Variants in GLIS3 observed in about 807,000 individuals in gnomAD.
GLIS3 encodes GLIS family zinc finger 3, also known as zinc finger protein GLIS3.
In GLIS3, 53 loss-of-function variants were observed where a neutral mutation model predicts 78.6. The observed-to-expected ratio is 0.67, with a 90% CI of 0.54 to 0.85. The LOEUF (loss-of-function observed/expected upper bound fraction) is 0.85. Ranked by LOEUF, GLIS3 falls within the 40% of genes least tolerant of loss-of-function variation. GLIS3 has a pLI of 0.00. For synonymous variants in GLIS3, 684 were observed against 509.9 expected, an observed-to-expected ratio of 1.34 and a Z score of -4.60; for missense variants, 1,703 against 1,231.1, an observed-to-expected ratio of 1.38 and a Z score of -5.74.
Position 4,093,149 on chromosome 9 carries a change from A to G in GLIS3, c.1710+24619T>C, listed in dbSNP as rs1829664769. Among the ~76,000 whole-genome samples the G allele has an allele frequency of 2.0e-5, 3 of 152,210 alleles. No homozygotes were observed. In the South Asian group the frequency reaches 6.2e-4, roughly 31 times the overall value. On this transcript the variant is annotated intron_variant, in intron 4 of 10. Transcript: ENST00000381971. ...TACAGATGAGAAAAATGAGGTACTA[A>G]GTGGAAAAGTAACATGCTGGCCTCA...
Position 3,932,427 on chromosome 9 carries a change from G to A in GLIS3, c.1916C>T (p.Thr639Ile). The A allele has an allele frequency of 6.2e-7, 1 of 1,613,950 alleles. No individual in the cohort carries two copies. The highest frequency in any genetic ancestry group is 8.5e-7 in the Non-Finnish European group (1 of 1,179,858). Reference sequence around the variant, plus strand: ...ATGCTTTCTTAGGGAACTTGGGTCTGTGTAGCGTTTGGTACATCCTGGAAT... The same window carrying A: ...ATGCTTTCTTAGGGAACTTGGGTCTATGTAGCGTTTGGTACATCCTGGAAT... ...CQIPGCTKRYTDPSSLRKHVK... is the reference protein window; with the variant it reads ...CQIPGCTKRYIDPSSLRKHVK... The change falls in exon 6 of 11, where the codon ACA (threonine) becomes ATA (isoleucine). Residue 639 changes from threonine to isoleucine, a missense_variant. Coordinates refer to ENST00000381971, the MANE Select transcript of GLIS3 (RefSeq NM_001042413.2).
At chr9:4,441,423 AAT>A in the GLIS3 span, among the ~76,000 whole-genome samples, 1 of 152,116 alleles carries the variant, frequency 6.6e-6, no homozygotes, top group African/African-American at 2.4e-5. Context: ...TCATTTTGTT[AAT>A]GAATCACATT....
chr9:4,427,266 C>T, the GLIS3 span, among the ~76,000 whole-genome samples: 38 of 152,214 alleles, frequency 2.5e-4, no homozygotes, highest in Non-Finnish European at 3.5e-4. Flanking sequence ...TTTATATCAT[C>T]GTGAAGCATA....
the GLIS3 span, among the ~76,000 whole-genome samples, chr9:4,431,025 C>T: frequency 6.6e-6 from 1 of 152,222 alleles, no homozygotes; most frequent in African/African-American, 2.4e-5. Flanking sequence ...TTTTCTCAAT[C>T]TTTCCTTCCT....
intron 9 of GLIS3, among the ~76,000 whole-genome samples, chr9:3,833,597 G>C (rs1818176693): frequency 6.6e-6 from 1 of 152,172 alleles, no homozygotes; most frequent in Non-Finnish European, 1.5e-5. Flanking sequence ...ATCAAGTGCT[G>C]GTTAGGGTGC....
At chr9:4,416,020 T>C in the GLIS3 span, among the ~76,000 whole-genome samples, 2 of 150,240 alleles carry the variant, frequency 1.3e-5, no homozygotes, top group African/African-American at 4.9e-5. Context: ...AATATATAGA[T>C]GTATATATTT....
the GLIS3 span, among the ~76,000 whole-genome samples, chr9:4,480,295 C>T: frequency 6.7e-6 from 1 of 149,790 alleles, no homozygotes; most frequent in Non-Finnish European, 1.5e-5. Flanking sequence ...GTCTAGACTA[C>T]CCAAGTTCAA....
intron 1 of GLIS3, among the ~76,000 whole-genome samples, chr9:4,296,014 A>G (rs1816466251): frequency 6.6e-6 from 1 of 152,176 alleles, no homozygotes; most frequent in Non-Finnish European, 1.5e-5. Context: ...AGGGAAAAGT[A>G]AAACAGTTAA....
At chr9:4,302,605 A>G (rs1466152670), upstream of GLIS3, among the ~76,000 whole-genome samples, 1 of 152,248 alleles carries the variant, frequency 6.6e-6, no homozygotes, top group Non-Finnish European at 1.5e-5. Context: ...GGCTATGAAT[A>G]ATCTCCTACT....
intron 4 of GLIS3, among the ~76,000 whole-genome samples, chr9:3,965,354 T>C (rs1461868154): frequency 6.6e-6 from 1 of 151,640 alleles, no homozygotes; most frequent in African/African-American, 2.4e-5. Flanking sequence ...CCACCACTCC[T>C]GGCTAATTTT....
intron 6 of GLIS3, among the ~76,000 whole-genome samples, chr9:3,906,167 A>C (rs1236522228): frequency 1.3e-5 from 2 of 152,220 alleles, no homozygotes; most frequent in Non-Finnish European, 2.9e-5. Flanking sequence ...CAAGCACATG[A>C]AGATTCCGTA....
chr9:4,274,342 A>T (rs1826796512), intron 2 of GLIS3, among the ~76,000 whole-genome samples: 1 of 152,040 alleles, frequency 6.6e-6, no homozygotes, highest in Non-Finnish European at 1.5e-5. Context: ...CTCTCTCTGG[A>T]CTTGTTGGGG....
chr9:3,846,803 T>C (rs1038264686), intron 9 of GLIS3, among the ~76,000 whole-genome samples: 29 of 152,182 alleles, frequency 1.9e-4, no homozygotes, highest in African/African-American at 6.0e-4. Flanking sequence ...ATATATTAAG[T>C]TTACCTCAAT....
chr9:3,928,495 A>G (rs1400939158), intron 6 of GLIS3, among the ~76,000 whole-genome samples: 1 of 152,226 alleles, frequency 6.6e-6, no homozygotes. Flanking sequence ...GATTCAAAGA[A>G]CTGTACAAAG....
At chr9:4,423,819 A>C in the GLIS3 span, among the ~76,000 whole-genome samples, 1 of 152,178 alleles carries the variant, frequency 6.6e-6, no homozygotes, top group Admixed American at 6.5e-5. Context: ...TAACATTCAC[A>C]CAAACACATA....
the GLIS3 span, among the ~76,000 whole-genome samples, chr9:4,403,695 G>A: frequency 6.6e-6 from 1 of 152,080 alleles, no homozygotes; most frequent in East Asian, 1.9e-4. Flanking sequence ...AAGACTCATG[G>A]TAACCTCAAA....
intron 2 of GLIS3, among the ~76,000 whole-genome samples, chr9:4,253,763 T>TGCA (rs979790101): frequency 6.6e-6 from 1 of 152,226 alleles, no homozygotes; most frequent in Non-Finnish European, 1.5e-5. Flanking sequence ...CATCCCGGTC[T>TGCA]GCAGGTTGTG....
At chr9:4,380,207 G>A in the GLIS3 span, among the ~76,000 whole-genome samples, 2 of 152,190 alleles carry the variant, frequency 1.3e-5, no homozygotes, top group Admixed American at 6.5e-5. Context: ...AGTTCTAACA[G>A]AATAAATTTG....
intron 5 of GLIS3, among the ~76,000 whole-genome samples, chr9:3,936,081 A>C (rs756707575): frequency 5.3e-5 from 8 of 152,202 alleles, no homozygotes; most frequent in African/African-American, 1.4e-4. Flanking sequence ...TCAAAATTCA[A>C]ACTCTGGTGT....
Sources: allele counts gnomAD v4.1 joint callset (sites outside exome capture counted in the v4.1 genomes callset), GRCh38; gene constraint gnomAD v4.1.1; transcripts MANE v1.5; gene names NCBI Gene and HGNC (gene_info 2026-07-23, HGNC 2026-07-21).